RTN4IP1: variants seen among roughly 807,000 people sequenced by gnomAD.
RTN4IP1 encodes the protein reticulon 4 interacting protein 1.
RTN4IP1 carries 32 observed loss-of-function variants against 46.6 expected under a neutral mutation model. That is an observed-to-expected ratio of 0.69 (90% CI 0.52 to 0.92). RTN4IP1 has a LOEUF of 0.92. Among genes scored for constraint, RTN4IP1 ranks in the 40% least tolerant of loss-of-function variants. The pLI, the probability that RTN4IP1 is intolerant of heterozygous loss-of-function variation, is 0.00. For missense variants in RTN4IP1, 424 were observed against 485.8 expected (o/e 0.87, Z 1.20); for synonymous variants, 167 against 161.8 (o/e 1.03, Z -0.24).
chr6:106,575,919 C>T lies in RTN4IP1; in HGVS notation c.1084-3816G>A, dbSNP rs189865912. On this transcript the variant is annotated intron_variant, in intron 8 of 8. Coordinates refer to ENST00000369063, the MANE Select transcript of RTN4IP1 (RefSeq NM_032730.5). ...CACCAGGCACAGAGGCTGCAGATCT[C>T]AGAGGGTGAGGTGTGTGAGGGGACA... Among the ~76,000 whole-genome samples, 583 of 152,260 alleles carry T rather than the reference C, an allele frequency of 3.8e-3. 2 individuals are homozygous for T. Among genetic ancestry groups the T allele is most frequent in the South Asian group, 0.018 (86 of 4,828 alleles).
chr6:106,622,480 G>A (rs1776507065), intron 2 of RTN4IP1, among the ~76,000 whole-genome samples: 2 of 152,126 alleles, frequency 1.3e-5, no homozygotes, highest in South Asian at 2.1e-4. Context: ...GAATGTGGGG[G>A]AGTTTATCTA....
chr6:106,616,642 A>G (rs1776364588), intron 4 of RTN4IP1, among the ~76,000 whole-genome samples: 1 of 152,230 alleles, frequency 6.6e-6, no homozygotes, highest in South Asian at 2.1e-4. Flanking sequence ...ATCAATCACA[A>G]TGAATAGTCA....
intron 5 of RTN4IP1, among the ~76,000 whole-genome samples, chr6:106,600,450 G>T (rs1775915202): frequency 6.6e-6 from 1 of 152,072 alleles, no homozygotes; most frequent in African/African-American, 2.4e-5. Context: ...CAATTTTAAA[G>T]TATTTAAAGT....
chr6:106,629,509 A>T, upstream of RTN4IP1: 1 of 871,960 alleles, frequency 1.1e-6, no homozygotes, highest in Non-Finnish European at 1.7e-6. Context: ...GGCGCCAACC[A>T]ATCGCCTACA....
At chr6:106,615,665 A>G (rs898898) in intron 4 of RTN4IP1, among the ~76,000 whole-genome samples, 95,607 of 151,852 alleles carry the variant, frequency 0.63, 31,804 homozygotes, top group South Asian at 0.76. Flanking sequence ...GTCAAACAGA[A>G]TGAAGTACAA....
intron 4 of RTN4IP1, among the ~76,000 whole-genome samples, chr6:106,609,627 C>T (rs113654687): frequency 2.0e-5 from 3 of 152,218 alleles, no homozygotes; most frequent in Non-Finnish European, 4.4e-5. Flanking sequence ...TGAAAGACTG[C>T]ATTCAAGTTT....
chr6:106,572,186 G>T, intron 8 of RTN4IP1, 83 bp from the exon 9 acceptor site: 2 of 1,114,320 alleles, frequency 1.8e-6, no homozygotes, highest in South Asian at 1.3e-5. Flanking sequence ...GTTTCTTGAC[G>T]GTGTCCCTCA....
chr6:106,573,915 T>A (rs950078330), intron 8 of RTN4IP1, among the ~76,000 whole-genome samples: 1 of 152,166 alleles, frequency 6.6e-6, no homozygotes, highest in African/African-American at 2.4e-5. Context: ...GCCACCAAGA[T>A]GACAGATGTG....
chr6:106,582,856 T>C (rs913660459), intron 8 of RTN4IP1, among the ~76,000 whole-genome samples: 12 of 152,150 alleles, frequency 7.9e-5, no homozygotes, highest in Non-Finnish European at 1.6e-4. Flanking sequence ...CACCAGCCAG[T>C]TGTCTTCACC....
intron 7 of RTN4IP1, among the ~76,000 whole-genome samples, chr6:106,587,052 G>A (rs1775504514): frequency 6.6e-6 from 1 of 152,188 alleles, no homozygotes; most frequent in Admixed American, 6.6e-5. Context: ...AATACACAGT[G>A]TTAGAACAAG....
At chr6:106,612,110 G>A (rs1776239592) in intron 4 of RTN4IP1, among the ~76,000 whole-genome samples, 1 of 151,984 alleles carries the variant, frequency 6.6e-6, no homozygotes, top group Admixed American at 6.6e-5. Flanking sequence ...TGATGGGCAG[G>A]GCATGGTGGC....
intron 4 of RTN4IP1, among the ~76,000 whole-genome samples, chr6:106,609,753 T>C (rs1273883331): frequency 1.3e-5 from 2 of 152,254 alleles, no homozygotes; most frequent in African/African-American, 4.8e-5. Context: ...GACCTCATTA[T>C]TGTCAGTTCA....
intron 8 of RTN4IP1, among the ~76,000 whole-genome samples, chr6:106,582,498 C>T (rs939500256): frequency 6.6e-6 from 1 of 152,168 alleles, no homozygotes; most frequent in Non-Finnish European, 1.5e-5. Context: ...TGAGCATGCC[C>T]CTTTTTCTTG....
intron 4 of RTN4IP1, among the ~76,000 whole-genome samples, chr6:106,612,655 T>TCTCATC: frequency 6.6e-6 from 1 of 151,844 alleles, no homozygotes; most frequent in African/African-American, 2.4e-5. Flanking sequence ...CTTTTACAAT[T>TCTCATC]ACCTGCTCCA....
rs116590369 is a variant in RTN4IP1, at chr6:106,578,871, T to C, written c.1083+4457A>G. On this transcript the variant is annotated intron_variant, in intron 8 of 8. Coordinates refer to ENST00000369063, the MANE Select transcript of RTN4IP1 (RefSeq NM_032730.5). Reference sequence around the variant, plus strand: ...GTAAAGGCCTAAATAGTGAATGTCTTAGGCTTTGCAGGCTTCACATGGTCT... The same window carrying C: ...GTAAAGGCCTAAATAGTGAATGTCTCAGGCTTTGCAGGCTTCACATGGTCT... Among the ~76,000 whole-genome samples the C allele has an allele frequency of 4.0e-3, 613 of 152,292 alleles. 5 individuals are homozygous for C. Among genetic ancestry groups the C allele is most frequent in the African/African-American group, 0.014 (591 of 41,570 alleles).
chr6:106,579,001 C>T (rs902924882), intron 8 of RTN4IP1, among the ~76,000 whole-genome samples: 1 of 151,454 alleles, frequency 6.6e-6, no homozygotes, highest in Non-Finnish European at 1.5e-5. Flanking sequence ...CATTGGGAGG[C>T]CAAGGTGGGT....
intron 8 of RTN4IP1, among the ~76,000 whole-genome samples, chr6:106,574,827 G>A (rs1370443985): frequency 6.6e-6 from 1 of 152,154 alleles, no homozygotes; most frequent in Non-Finnish European, 1.5e-5. Context: ...CTCTGACCGG[G>A]GACACAGATC....
chr6:106,593,869 A>T (rs1775720956), intron 5 of RTN4IP1, among the ~76,000 whole-genome samples: 1 of 152,218 alleles, frequency 6.6e-6, no homozygotes, highest in South Asian at 2.1e-4. Flanking sequence ...GCAAGTCCCA[A>T]ATCAAATTCA....
intron 4 of RTN4IP1, among the ~76,000 whole-genome samples, chr6:106,608,575 T>C (rs1776143748): frequency 6.6e-6 from 1 of 152,248 alleles, no homozygotes; most frequent in Non-Finnish European, 1.5e-5. Flanking sequence ...ATGGTATCCA[T>C]GTATTGAAAT....
Sources: allele counts gnomAD v4.1 joint callset (sites outside exome capture counted in the v4.1 genomes callset), GRCh38; gene constraint gnomAD v4.1.1; transcripts MANE v1.5; gene names NCBI Gene and HGNC (gene_info 2026-07-23, HGNC 2026-07-21).